The following CSMD3 variants were observed in gnomAD, a reference collection of about 807,000 sequenced individuals.
CSMD3 encodes the protein CUB and sushi domain-containing protein 3.
CSMD3 carries 177 observed loss-of-function variants against 435.2 expected under a neutral mutation model. The ratio of observed to expected loss-of-function variants is 0.41; its 90% CI spans 0.36 to 0.46. The LOEUF (loss-of-function observed/expected upper bound fraction) is 0.46. CSMD3 is among the 20% of genes least tolerant of loss of function. The pLI, the probability that CSMD3 is intolerant of heterozygous loss-of-function variation, is 0.34. For synonymous variants in CSMD3, 1,656 were observed against 1,520.5 expected (o/e 1.09, Z -2.07); for missense variants, 4,265 against 4,504.6 (o/e 0.95, Z 1.52).
intron 28 of CSMD3, among the ~76,000 whole-genome samples, chr8:112,511,247 A>G (rs146533878): frequency 3.0e-3 from 452 of 152,280 alleles, no homozygotes; most frequent in Non-Finnish European, 4.7e-3. Context: ...TGCTAAAAAA[A>G]TGCTAATGGT....
chr8:112,228,622 A>G (rs1466436748), intron 70 of CSMD3, 134 bp downstream of exon 70: 1 of 881,350 alleles, frequency 1.1e-6, no homozygotes, highest in Non-Finnish European at 1.8e-6. Flanking sequence ...TTCAGTGTCT[A>G]TGACAATAGT....
chr8:113,231,986 T>A (rs1478196670), intron 3 of CSMD3, among the ~76,000 whole-genome samples: 1 of 151,562 alleles, frequency 6.6e-6, no homozygotes, highest in African/African-American at 2.4e-5. Flanking sequence ...CAAATAACTC[T>A]TTATAAGACT....
At chr8:113,100,927 G>A (rs2090311034) in intron 4 of CSMD3, among the ~76,000 whole-genome samples, 1 of 152,110 alleles carries the variant, frequency 6.6e-6, no homozygotes, top group Non-Finnish European at 1.5e-5. Flanking sequence ...GCAGAGGTGA[G>A]ATGGAGAAGT....
At chr8:112,914,773 G>A (rs2082526618) in intron 10 of CSMD3, among the ~76,000 whole-genome samples, 1 of 151,440 alleles carries the variant, frequency 6.6e-6, no homozygotes, top group Non-Finnish European at 1.5e-5. Context: ...TATACATTTT[G>A]AGTGCATATA....
intron 30 of CSMD3, among the ~76,000 whole-genome samples, chr8:112,498,710 TTTCTTTCTTTC>T (rs1333584616): frequency 3.9e-5 from 6 of 152,138 alleles, no homozygotes; most frequent in Admixed American, 1.3e-4. Context: ...AAAAGGTTTC[TTTCTTTCTTTC>T]TTCTTTCTTT....
chr8:112,789,928 T>A (rs1296158647), intron 13 of CSMD3, among the ~76,000 whole-genome samples: 1 of 152,008 alleles, frequency 6.6e-6, no homozygotes, highest in Admixed American at 6.6e-5. Context: ...TAAACAGTCC[T>A]GACAGATATT....
intron 22 of CSMD3, among the ~76,000 whole-genome samples, chr8:112,610,903 G>T (rs994772397): frequency 6.6e-6 from 1 of 152,090 alleles, no homozygotes; most frequent in African/African-American, 2.4e-5. Flanking sequence ...AATTCAGAAA[G>T]AAGCTTCATG....
At chr8:113,141,487 T>C (rs1316014478) in intron 4 of CSMD3, among the ~76,000 whole-genome samples, 3 of 151,078 alleles carry the variant, frequency 2.0e-5, no homozygotes, top group Non-Finnish European at 4.5e-5. Context: ...TATGATAAAC[T>C]AACTGGAGCA....
Position 112,304,910 on chromosome 8 carries a change from T to TA in CSMD3, c.8076dup (p.Thr2693TyrfsTer24). 6.2e-7 allele frequency: 1 copy of TA among 1,612,694 alleles called. No individual in the cohort carries two copies. The highest frequency in any genetic ancestry group is 8.5e-7 in the Non-Finnish European group (1 of 1,179,220). ...ATAAAGGAATTGATGCTTGGACATG[T>TA]AACAACTATACAAAAACCAAAGGGT... On this transcript the variant is annotated frameshift_variant, in exon 52 of 71. Transcript: ENST00000297405. LOFTEE classifies it high-confidence loss of function.
chr8:112,395,876 GGTCTCAA>G (rs1830820153), intron 35 of CSMD3, among the ~76,000 whole-genome samples: 1 of 151,924 alleles, frequency 6.6e-6, no homozygotes, highest in Non-Finnish European at 1.5e-5. Flanking sequence ...GTTTTTCATT[GGTCTCAA>G]GTCTAATTTT....
At position 113,211,681 on chromosome 8, in the gene CSMD3, T is replaced by A. The variant is rs997642961; in HGVS notation, c.515-37765A>T. 2.6e-5 allele frequency among the ~76,000 whole-genome samples: 4 copies of A among 152,032 alleles called. No homozygotes were observed. The East Asian group carries it at 7.7e-4, about 29-fold the overall frequency. On this transcript the variant is annotated intron_variant, in intron 3 of 70. Coordinates refer to ENST00000297405, the MANE Select transcript of CSMD3 (RefSeq NM_198123.2). ...TCCAGCCTGGATGACAGAGGAAGACTCCGTCTCAAAAAATAAATAAATAAA... is the reference window on the plus strand; with the variant it reads ...TCCAGCCTGGATGACAGAGGAAGACACCGTCTCAAAAAATAAATAAATAAA...
chr8:112,351,278 T>C lies in CSMD3; in HGVS notation c.6256-34A>G, dbSNP rs143594360. 2.1e-3 allele frequency: 3,003 copies of C among 1,441,490 alleles called. 16 individuals are homozygous for C. The highest frequency in any genetic ancestry group is 1.6e-3 in the Non-Finnish European group (1,682 of 1,023,766). The allele number at this position is 1,441,490 out of a possible 1,614,324, so 89.3% of individuals were successfully genotyped here. On this transcript the variant is annotated intron_variant, in intron 39 of 70. Coordinates refer to ENST00000297405, the MANE Select transcript of CSMD3 (RefSeq NM_198123.2). ...ACAAAATGATGTGGTTCAGTACACA[T>C]ACATAAAAAGTTTAAATTTATTGTA... is the stretch of plus-strand genomic sequence containing the variant.
chr8:112,910,831 A>G (rs79067552), intron 10 of CSMD3, among the ~76,000 whole-genome samples: 3,441 of 152,052 alleles, frequency 0.023, 65 homozygotes, highest in Non-Finnish European at 0.036. Flanking sequence ...TGTGGCTTAT[A>G]CATCACTAAT....
intron 14 of CSMD3, among the ~76,000 whole-genome samples, chr8:112,688,720 T>C (rs1214733153): frequency 6.6e-6 from 1 of 152,068 alleles, no homozygotes; most frequent in East Asian, 1.9e-4. Context: ...AAGTTAGTTA[T>C]TACTGGTATA....
At chr8:113,327,940 G>A (rs1167241718) in intron 1 of CSMD3, among the ~76,000 whole-genome samples, 1 of 152,120 alleles carries the variant, frequency 6.6e-6, no homozygotes, top group African/African-American at 2.4e-5. Context: ...GCATGTACAG[G>A]CCTGTGTGAA....
At chr8:112,343,813 G>GT (rs916100311) in intron 41 of CSMD3, among the ~76,000 whole-genome samples, 20 of 151,476 alleles carry the variant, frequency 1.3e-4, no homozygotes, top group East Asian at 3.9e-4. Flanking sequence ...TGTGTGGCTA[G>GT]TTTTTTTTTA....
chr8:112,910,701 A>C (rs2082386688), intron 10 of CSMD3, among the ~76,000 whole-genome samples: 1 of 151,688 alleles, frequency 6.6e-6, no homozygotes, highest in Admixed American at 6.6e-5. Flanking sequence ...ATCTTTCCTC[A>C]TTGCATGTCC....
intron 13 of CSMD3, among the ~76,000 whole-genome samples, chr8:112,744,365 C>T (rs2077381221): frequency 6.6e-6 from 1 of 152,186 alleles, no homozygotes; most frequent in Non-Finnish European, 1.5e-5. Context: ...GATATTAGAA[C>T]AGTACTGATT....
intron 6 of CSMD3, among the ~76,000 whole-genome samples, chr8:112,987,943 T>TA (rs1365381552): frequency 2.6e-5 from 4 of 151,960 alleles, no homozygotes; most frequent in East Asian, 1.9e-4. Context: ...GGGGAGGTGT[T>TA]AGAGTTTGGG....
Sources: gnomAD v4.1 joint callset for allele counts (sites outside exome capture counted in the v4.1 genomes callset) on GRCh38, gnomAD v4.1.1 for gene constraint, MANE v1.5 for transcripts, NCBI Gene and HGNC (gene_info 2026-07-23, HGNC 2026-07-21) for gene names.